The following RCSD1 variants were observed in gnomAD, a reference collection of about 807,000 sequenced individuals.
RCSD1 encodes the protein RCSD domain containing 1, also known as capZ-interacting protein.
A neutral mutation model predicts 42.5 loss-of-function variants in RCSD1; 26 were observed. The ratio of observed to expected loss-of-function variants is 0.61; its 90% CI spans 0.45 to 0.85. The LOEUF is 0.85. Among genes scored for constraint, RCSD1 ranks in the 40% least tolerant of loss-of-function variants. The pLI is 0.00. For missense variants in RCSD1, 571 were observed against 528.3 expected (o/e 1.08, Z -0.79); for synonymous variants, 220 against 212.2 (o/e 1.04, Z -0.32).
At chr1:167,675,680 C>T (rs1292825261) in intron 1 of RCSD1, among the ~76,000 whole-genome samples, 1 of 152,116 alleles carries the variant, frequency 6.6e-6, no homozygotes, top group Non-Finnish European at 1.5e-5. Flanking sequence ...AAACGAAACT[C>T]AGCTGTATTT....
At chr1:167,664,069 C>T (rs1023515700) in intron 1 of RCSD1, 1 of 152,214 alleles carries the variant, frequency 6.6e-6, no homozygotes, top group African/African-American at 2.4e-5. Context: ...ACACCATCTC[C>T]TAGTATCCCC....
intron 5 of RCSD1, among the ~76,000 whole-genome samples, chr1:167,694,816 G>C (rs1659457434): frequency 6.6e-6 from 1 of 152,118 alleles, no homozygotes; most frequent in South Asian, 2.1e-4. Context: ...TGTTCCCTTT[G>C]CAAAAATGAC....
rs532756166 is a variant in RCSD1, at chr1:167,689,000, C to T, written c.199-1049C>T. Among the ~76,000 whole-genome samples the T allele has an allele frequency of 1.6e-4, 24 of 152,108 alleles. No individual in the cohort carries two copies. In the South Asian group the frequency reaches 4.2e-3, roughly 26 times the overall value. ...TTAATATTTTTACATGATATGGATC[C>T]CGAAGGCAGACAAGATTCCTGGCAT... is the stretch of plus-strand genomic sequence containing the variant. On this transcript the variant is annotated intron_variant, in intron 3 of 6. Transcript: ENST00000367854.
intron 1 of RCSD1, among the ~76,000 whole-genome samples, chr1:167,634,939 A>AGT (rs1274809999): frequency 8.0e-5 from 6 of 74,566 alleles, no homozygotes; most frequent in East Asian, 5.7e-4. Context: ...TACTATGATG[A>AGT]GAGTGTGTGT....
chr1:167,701,128 A>G (rs571835367), intron 6 of RCSD1, among the ~76,000 whole-genome samples: 19 of 152,256 alleles, frequency 1.2e-4, no homozygotes, highest in African/African-American at 4.6e-4. Flanking sequence ...TCTCCTCCCA[A>G]ATAGGCAGCT....
intron 1 of RCSD1, chr1:167,663,878 G>C (rs1034495473): frequency 6.6e-6 from 1 of 152,218 alleles, no homozygotes; most frequent in African/African-American, 2.4e-5. Context: ...CAGGCACTGT[G>C]CTGGGGCTTT....
intron 6 of RCSD1, among the ~76,000 whole-genome samples, chr1:167,704,013 T>C (rs1659701101): frequency 6.6e-6 from 1 of 152,146 alleles, no homozygotes; most frequent in South Asian, 2.1e-4. Context: ...CCTTGTACTG[T>C]GGTTACATTC....
intron 1 of RCSD1, among the ~76,000 whole-genome samples, chr1:167,658,583 G>A (rs1658475514): frequency 6.6e-6 from 1 of 151,970 alleles, no homozygotes; most frequent in Admixed American, 6.6e-5. Context: ...GTGCCACCAC[G>A]CCTGGTTAAT....
rs1433094681 is a variant in RCSD1, at chr1:167,663,059, T to C, written c.7-20841T>C. On this transcript the variant is annotated intron_variant, in intron 1 of 6. Coordinates refer to ENST00000367854, the MANE Select transcript of RCSD1 (RefSeq NM_052862.4). ...AGGGCCAGTGAGTTCACGCCGCTCCTCTGACTGCTGGGTCAGTGGCCTCGC... is the reference window on the plus strand; with the variant it reads ...AGGGCCAGTGAGTTCACGCCGCTCCCCTGACTGCTGGGTCAGTGGCCTCGC... Among the ~76,000 whole-genome samples, 4 of 152,338 alleles carry C rather than the reference T, an allele frequency of 2.6e-5. No homozygotes were observed. The East Asian group carries it at 7.7e-4, about 29-fold the overall frequency.
chr1:167,647,927 T>C (rs988558252), intron 1 of RCSD1, among the ~76,000 whole-genome samples: 5 of 152,222 alleles, frequency 3.3e-5, no homozygotes, highest in African/African-American at 1.2e-4. Context: ...ATTTTCTTTT[T>C]CTTTTTTTTG....
rs749213789 is a variant in RCSD1 at position 167,697,452 on chromosome 1, G to T, written c.828G>T (p.Pro276=). The part of the protein sequence containing the change: ...RSSEEVDGQH[P]AQEEVPESPQ... ...CAGAGGAGGTGGACGGCCAGCACCC[G>T]GCCCAAGAGGAGGTCCCGGAATCGC... is the stretch of plus-strand genomic sequence containing the variant. Residue 276 remains proline, a synonymous_variant, in exon 6 of 7, where the codon CCG becomes CCT. Coordinates refer to ENST00000367854, the MANE Select transcript of RCSD1 (RefSeq NM_052862.4). The T allele has an allele frequency of 2.5e-6, 4 of 1,611,494 alleles. No homozygotes were observed. The highest frequency in any genetic ancestry group is 3.4e-6 in the Non-Finnish European group (4 of 1,178,888).
intron 6 of RCSD1, among the ~76,000 whole-genome samples, chr1:167,700,600 GAA>G (rs1478025048): frequency 6.7e-6 from 1 of 149,490 alleles, no homozygotes; most frequent in Non-Finnish European, 1.5e-5. Context: ...GCAGTGAGCG[GAA>G]ATCGCGCCAC....
intron 6 of RCSD1, among the ~76,000 whole-genome samples, chr1:167,698,944 C>A (rs1178484225): frequency 6.6e-6 from 1 of 152,168 alleles, no homozygotes; most frequent in Middle Eastern, 3.4e-3. Context: ...GGACCACAGG[C>A]GCCCGCCACC....
intron 1 of RCSD1, among the ~76,000 whole-genome samples, chr1:167,657,021 T>C (rs1658439752): frequency 6.6e-6 from 1 of 152,222 alleles, no homozygotes; most frequent in African/African-American, 2.4e-5. Context: ...CATGTGACCC[T>C]GGTTGGGAAA....
chr1:167,685,545 G>C (rs755457933), intron 3 of RCSD1, 35 bp downstream of exon 3: 1 of 1,572,678 alleles, frequency 6.4e-7, no homozygotes, highest in Non-Finnish European at 8.7e-7. Context: ...AGGATGCTGT[G>C]ATGGGTTTTC....
chr1:167,660,279 G>A (rs1658511020), intron 1 of RCSD1, among the ~76,000 whole-genome samples: 1 of 152,156 alleles, frequency 6.6e-6, no homozygotes, highest in Non-Finnish European at 1.5e-5. Flanking sequence ...GGAGATGTCA[G>A]TCAGACACTC....
intron 6 of RCSD1, among the ~76,000 whole-genome samples, chr1:167,700,884 T>C (rs1558095840): frequency 6.6e-6 from 1 of 152,068 alleles, no homozygotes; most frequent in South Asian, 2.1e-4. Context: ...CCAAGAGACC[T>C]CCCCATCTCA....
At chr1:167,650,629 C>A (rs1461447586) in intron 1 of RCSD1, among the ~76,000 whole-genome samples, 1 of 152,236 alleles carries the variant, frequency 6.6e-6, no homozygotes, top group Non-Finnish European at 1.5e-5. Context: ...CAGCCACAGC[C>A]AAAGCCAAAG....
In RCSD1 at chr1:167,644,493, ATACATACATACATAC is replaced by A. The variant is rs1457112176; in HGVS notation, c.6+14065_6+14079del. Among the ~76,000 whole-genome samples, 170 of 116,928 alleles carry A rather than the reference ATACATACATACATAC, an allele frequency of 1.5e-3. 1 individual carries two copies. Among genetic ancestry groups the A allele is most frequent in the South Asian group, 5.3e-3 (18 of 3,426 alleles). The allele number at this position is 116,928 out of a possible 152,430, so 76.7% of individuals were successfully genotyped here. The stretch of plus-strand genomic sequence containing the variant: ...AAACTCTGTCTCAAAAAATAAATAC[ATACATACATACATAC>A]ATACATACATACATACATACATACA... On this transcript the variant is annotated intron_variant, in intron 1 of 6. Transcript: ENST00000367854.
Sources: gnomAD v4.1 joint callset for allele counts (sites outside exome capture counted in the v4.1 genomes callset) on GRCh38, gnomAD v4.1.1 for gene constraint, MANE v1.5 for transcripts, NCBI Gene and HGNC (gene_info 2026-07-23, HGNC 2026-07-21) for gene names.